RARB: variants seen among roughly 807,000 people sequenced by gnomAD.
RARB encodes the protein retinoic acid receptor beta.
In RARB, 17 loss-of-function variants were observed where a neutral mutation model predicts 51.9. That is an observed-to-expected ratio of 0.33 (90% confidence interval 0.22 to 0.49). The LOEUF (loss-of-function observed/expected upper bound fraction) is 0.49, where lower values mean the gene tolerates loss of function less well. RARB is among the 20% of genes least tolerant of loss of function. The pLI is 0.99. For synonymous variants in RARB, 215 were observed against 195.4 expected (o/e 1.10, Z -0.84); for missense variants, 369 against 550.8 (o/e 0.67, Z 3.30).
At chr3:25,279,852 G>A (rs1404539883) in intron 5 of RARB, among the ~76,000 whole-genome samples, 1 of 152,122 alleles carries the variant, frequency 6.6e-6, no homozygotes, top group Non-Finnish European at 1.5e-5. Flanking sequence ...TCCTGTGTCA[G>A]TGGTACTTTA....
chr3:25,106,416 C>A (rs960070662), intron 3 of RARB, among the ~76,000 whole-genome samples: 1 of 149,492 alleles, frequency 6.7e-6, no homozygotes, highest in Non-Finnish European at 1.5e-5. Context: ...GCTGGGATTA[C>A]AGGCATGTAC....
intron 1 of RARB, among the ~76,000 whole-genome samples, chr3:25,442,292 C>T (rs990182833): frequency 1.1e-4 from 17 of 152,044 alleles, no homozygotes; most frequent in Non-Finnish European, 5.9e-5. Flanking sequence ...CGCGCTACCA[C>T]GCCCAGCTAA....
At chr3:25,001,152 TA>T (rs1697150571) in intron 2 of RARB, among the ~76,000 whole-genome samples, 3 of 152,018 alleles carry the variant, frequency 2.0e-5, no homozygotes, top group Admixed American at 6.6e-5. Flanking sequence ...AGGGACAAAT[TA>T]ATCATCTTAA....
chr3:24,947,497 A>G (rs1695800251), intron 2 of RARB, among the ~76,000 whole-genome samples: 1 of 152,224 alleles, frequency 6.6e-6, no homozygotes, highest in South Asian at 2.1e-4. Context: ...GGGCTAAAGA[A>G]GGCTCAGGCT....
intron 5 of RARB, among the ~76,000 whole-genome samples, chr3:25,178,640 G>A (rs1220753981): frequency 6.6e-6 from 1 of 152,046 alleles, no homozygotes; most frequent in Admixed American, 6.6e-5. Flanking sequence ...CGATGTTCCA[G>A]GGAGTCCTTG....
chr3:24,905,611 T>A (rs919147964), intron 2 of RARB, among the ~76,000 whole-genome samples: 1 of 152,228 alleles, frequency 6.6e-6, no homozygotes, highest in Non-Finnish European at 1.5e-5. Flanking sequence ...AGTTTGAGAT[T>A]GTAAGCATTT....
chr3:24,940,643 C>T (rs1443723665), intron 2 of RARB, among the ~76,000 whole-genome samples: 1 of 152,044 alleles, frequency 6.6e-6, no homozygotes, highest in Admixed American at 6.6e-5. Flanking sequence ...AGTTCCTGTC[C>T]ATGTGTGTTC....
intron 5 of RARB, among the ~76,000 whole-genome samples, chr3:25,330,048 C>T (rs988337477): frequency 6.6e-6 from 1 of 152,084 alleles, no homozygotes; most frequent in Non-Finnish European, 1.5e-5. Context: ...ATTGGTGTAC[C>T]TGAAAGTGAC....
chr3:24,940,388 G>A (rs573780324), intron 2 of RARB, among the ~76,000 whole-genome samples: 47 of 152,204 alleles, frequency 3.1e-4, no homozygotes, highest in African/African-American at 1.1e-3. Context: ...GTGTGGAAAG[G>A]GAGGAACGAT....
chr3:25,219,963 G>A (rs527392088), intron 5 of RARB, among the ~76,000 whole-genome samples: 1 of 152,180 alleles, frequency 6.6e-6, no homozygotes, highest in African/African-American at 2.4e-5. Flanking sequence ...TTACTGTGTA[G>A]AGTAAAACAC....
chr3:25,296,757 C>T (rs1248519441), intron 5 of RARB, among the ~76,000 whole-genome samples: 1 of 152,128 alleles, frequency 6.6e-6, no homozygotes, highest in South Asian at 2.1e-4. Context: ...TGAACCGGTC[C>T]ATGTATTACT....
intron 2 of RARB, among the ~76,000 whole-genome samples, chr3:24,898,259 T>A (rs1307931806): frequency 6.6e-6 from 1 of 151,806 alleles, no homozygotes; most frequent in Admixed American, 6.6e-5. Flanking sequence ...AGAAAGACCA[T>A]GCTTGTGAAA....
chr3:25,347,161 C>A (rs779618698), intron 5 of RARB, among the ~76,000 whole-genome samples: 1 of 152,180 alleles, frequency 6.6e-6, no homozygotes, highest in Non-Finnish European at 1.5e-5. Context: ...CATGCAGACT[C>A]TAAGAAATTG....
intron 5 of RARB, among the ~76,000 whole-genome samples, chr3:25,385,644 AATAT>A (rs146277516): frequency 6.6e-6 from 1 of 150,406 alleles, no homozygotes; most frequent in Admixed American, 6.6e-5. Context: ...TTGCATTTAA[AATAT>A]ATATATATAT....
intron 4 of RARB, among the ~76,000 whole-genome samples, chr3:25,150,147 G>A (rs1236801388): frequency 6.6e-6 from 1 of 151,448 alleles, no homozygotes; most frequent in African/African-American, 2.4e-5. Context: ...GTTGCAGTGA[G>A]CCGAGATCGC....
intron 5 of RARB, among the ~76,000 whole-genome samples, chr3:25,380,253 C>T (rs576950723): frequency 5.3e-5 from 8 of 152,260 alleles, no homozygotes; most frequent in South Asian, 2.1e-4. Flanking sequence ...GCATGCAGGA[C>T]GCCAGCCCTC....
intron 2 of RARB, among the ~76,000 whole-genome samples, chr3:25,002,195 C>G (rs1187738725): frequency 1.3e-5 from 2 of 152,190 alleles, no homozygotes; most frequent in East Asian, 3.9e-4. Flanking sequence ...ATTGGGCACT[C>G]TTTCTGTAAC....
At chr3:24,898,309 A>C (rs974365592) in intron 2 of RARB, among the ~76,000 whole-genome samples, 2 of 147,420 alleles carry the variant, frequency 1.4e-5, no homozygotes, top group African/African-American at 5.1e-5. Flanking sequence ...AAAAATAGGA[A>C]TAAATTATAA....
chr3:24,892,777 C>G (rs1179298823), intron 2 of RARB, among the ~76,000 whole-genome samples: 1 of 152,184 alleles, frequency 6.6e-6, no homozygotes, highest in Non-Finnish European at 1.5e-5. Flanking sequence ...TATACTATTA[C>G]AAGAAATGCG....
Sources: gnomAD v4.1 joint callset for allele counts (sites outside exome capture counted in the v4.1 genomes callset) on GRCh38, gnomAD v4.1.1 for gene constraint, MANE v1.5 for transcripts, NCBI Gene and HGNC (gene_info 2026-07-23, HGNC 2026-07-21) for gene names.